The following RUFY1 variants were observed in gnomAD, a reference collection of about 807,000 sequenced individuals.
RUFY1 encodes the protein RUN and FYVE domain containing 1.
Under a neutral mutation model 94.6 loss-of-function variants are expected in RUFY1, and 54 were observed. The ratio of observed to expected loss-of-function variants is 0.57; its 90% CI spans 0.46 to 0.72. The LOEUF is 0.72. RUFY1 is among the 30% of genes least tolerant of loss of function. The pLI, the probability that RUFY1 is intolerant of heterozygous loss-of-function variation, is 0.00. For missense variants in RUFY1, 883 were observed against 883.9 expected, an observed-to-expected ratio of 1.00 and a Z score of 0.01; for synonymous variants, 396 against 347.3, an observed-to-expected ratio of 1.14 and a Z score of -1.56.
chr5:179,558,282 A>G (rs529505796), intron 1 of RUFY1, among the ~76,000 whole-genome samples: 13 of 152,260 alleles, frequency 8.5e-5, no homozygotes, highest in African/African-American at 3.1e-4. Flanking sequence ...ATATAAAAAT[A>G]ATTATACTGG....
chr5:179,559,598 C>T (rs764080077), intron 1 of RUFY1: 18 of 922,868 alleles, frequency 2.0e-5, no homozygotes, highest in Non-Finnish European at 2.3e-5. Context: ...GCTGGACTCG[C>T]CCAATAGGAA....
intron 7 of RUFY1, among the ~76,000 whole-genome samples, chr5:179,584,039 C>T (rs1764405814): frequency 2.6e-5 from 4 of 152,328 alleles, no homozygotes; most frequent in South Asian, 4.1e-4. Flanking sequence ...TGAGCCACCA[C>T]GTCAGGCCTA....
In RUFY1 at chr5:179,607,665, T is replaced by TG; in HGVS notation, c.1983+11dup. ...TCTCCATTTCCCGGAGAAAGGTACG[T>TG]GGGGGCTCCACCCACCCTCCCAGTG... On this transcript the variant is annotated splice_region_variant and intron_variant, in intron 17 of 17. Coordinates refer to ENST00000319449, the MANE Select transcript of RUFY1 (RefSeq NM_025158.5). The TG allele has an allele frequency of 1.9e-6, 3 of 1,612,830 alleles. No individual in the cohort carries two copies. Among genetic ancestry groups the TG allele is most frequent in the Non-Finnish European group, 2.5e-6 (3 of 1,179,020 alleles).
chr5:179,560,725 C>CAAAAAA (rs68093858), intron 2 of RUFY1, among the ~76,000 whole-genome samples: 49 of 78,696 alleles, frequency 6.2e-4, no homozygotes, highest in Non-Finnish European at 7.8e-4. Context: ...GACTCCGTCT[C>CAAAAAA]AAAAAAAAAA....
chr5:179,596,818 T>G (rs930701929), intron 13 of RUFY1, 137 bp downstream of exon 13: 11 of 1,129,318 alleles, frequency 9.7e-6, no homozygotes, highest in Non-Finnish European at 1.3e-5. Context: ...GCTTCACCAC[T>G]CACCCCTGCA....
chr5:179,559,101 A>AACGC (rs1554114217), intron 1 of RUFY1, among the ~76,000 whole-genome samples: 11 of 151,830 alleles, frequency 7.2e-5, no homozygotes, highest in South Asian at 4.1e-4. Flanking sequence ...AGACAATGTA[A>AACGC]ACGCGCGCGC....
At chr5:179,606,639 A>C (rs1363024085) in intron 16 of RUFY1, 1 of 152,478 alleles carries the variant, frequency 6.6e-6, no homozygotes, top group Non-Finnish European at 1.5e-5. Context: ...TGGGCATCTA[A>C]CTTCCAAGTG....
At chr5:179,578,631 G>GTTGT (rs142563255) in intron 6 of RUFY1, among the ~76,000 whole-genome samples, 138 of 151,986 alleles carry the variant, frequency 9.1e-4, no homozygotes, top group African/African-American at 1.4e-3. Flanking sequence ...TACCATTTAT[G>GTTGT]TTGTTTGTTT....
intron 6 of RUFY1, among the ~76,000 whole-genome samples, chr5:179,580,250 T>A (rs375638636): frequency 0.059 from 8,598 of 146,376 alleles, 344 homozygotes; most frequent in Middle Eastern, 0.079. Flanking sequence ...TGTATATTTT[T>A]TTTTTTTTTT....
intron 15 of RUFY1, among the ~76,000 whole-genome samples, chr5:179,604,315 A>G (rs1190020608): frequency 6.6e-6 from 1 of 152,182 alleles, no homozygotes; most frequent in Non-Finnish European, 1.5e-5. Flanking sequence ...CGCAGGCCCT[A>G]CATTAGCTAC....
chr5:179,593,372 C>G, intron 10 of RUFY1, 106 bp from the exon 11 acceptor site: 2 of 1,352,134 alleles, frequency 1.5e-6, no homozygotes, highest in South Asian at 2.6e-5. Context: ...AGCCACCACA[C>G]CCAGCCTTCA....
intron 7 of RUFY1, among the ~76,000 whole-genome samples, chr5:179,584,999 C>T (rs750498359): frequency 5.3e-5 from 8 of 151,916 alleles, no homozygotes; most frequent in African/African-American, 1.2e-4. Context: ...AGCATGTTGA[C>T]GGGCGCCTGT....
At chr5:179,576,415 T>G (rs917609146) in intron 5 of RUFY1, among the ~76,000 whole-genome samples, 1 of 151,976 alleles carries the variant, frequency 6.6e-6, no homozygotes, top group Middle Eastern at 3.2e-3. Flanking sequence ...ACCACTTTAT[T>G]TTTATCTTAT....
intron 15 of RUFY1, chr5:179,603,657 C>CA (rs1766697621): frequency 6.6e-6 from 1 of 152,328 alleles, no homozygotes; most frequent in Admixed American, 6.5e-5. Context: ...CTGGGGTTTG[C>CA]AGCCAGTGTT....
At chr5:179,603,129 A>G (rs1478220862) in intron 15 of RUFY1, among the ~76,000 whole-genome samples, 2 of 152,052 alleles carry the variant, frequency 1.3e-5, no homozygotes, top group Admixed American at 6.6e-5. Context: ...TTAGCCAGGC[A>G]TGGTGGGCAC....
intron 1 of RUFY1, among the ~76,000 whole-genome samples, chr5:179,557,507 C>T (rs1452553033): frequency 6.6e-6 from 1 of 152,198 alleles, no homozygotes; most frequent in Non-Finnish European, 1.5e-5. Context: ...ACCCAGAATA[C>T]TCAGAATGGT....
At chr5:179,584,988 G>A (rs183997576) in intron 7 of RUFY1, among the ~76,000 whole-genome samples, 107 of 151,904 alleles carry the variant, frequency 7.0e-4, no homozygotes, top group African/African-American at 9.4e-4. Context: ...ACAATTAGCC[G>A]AGCATGTTGA....
chr5:179,563,090 C>T (rs184350651), intron 3 of RUFY1, among the ~76,000 whole-genome samples: 16 of 152,210 alleles, frequency 1.1e-4, no homozygotes, highest in East Asian at 3.9e-4. Context: ...TCCTTGGGAT[C>T]GCTATGCTTA....
rs779046484 is a variant in RUFY1 at position 179,550,758 on chromosome 5, G to A, written c.189G>A (p.Ser63=). Residue 63 remains serine (S), a synonymous_variant, in exon 1 of 18, where the codon TCG becomes TCA. Coordinates refer to ENST00000319449, the MANE Select transcript of RUFY1 (RefSeq NM_025158.5). ...GGCCGCGGGCGGCCGAGGGCTGGTC[G>A]GCGCCCATCCTGACCCTGGCACGCA... is the stretch of plus-strand genomic sequence containing the variant. The part of the protein sequence containing the change: ...ATRPRAAEGW[S]APILTLARRA... The A allele has an allele frequency of 4.9e-6, 7 of 1,442,564 alleles. No homozygotes were observed. Among genetic ancestry groups the A allele is most frequent in the African/African-American group, 4.4e-5 (3 of 67,696 alleles). The allele number at this position is 1,442,564 out of a possible 1,614,324, so 89.4% of individuals were successfully genotyped here. A position where few individuals can be genotyped will look rare whatever the true frequency, so the allele number is the denominator to read the frequency against.
Sources: gnomAD v4.1 joint callset for allele counts (sites outside exome capture counted in the v4.1 genomes callset) on GRCh38, gnomAD v4.1.1 for gene constraint, MANE v1.5 for transcripts, NCBI Gene and HGNC (gene_info 2026-07-23, HGNC 2026-07-21) for gene names.